Variants in SEC24A observed in about 807,000 individuals in gnomAD.
SEC24A encodes protein transport protein Sec24A.
In SEC24A, 93 loss-of-function variants were observed where a neutral mutation model predicts 129.4. The observed-to-expected ratio is 0.72, with a 90% CI of 0.61 to 0.85. The LOEUF (loss-of-function observed/expected upper bound fraction) is 0.85, where lower values mean the gene tolerates loss of function less well. SEC24A is among the 40% of genes least tolerant of loss of function. The pLI is 0.00. For synonymous variants in SEC24A, 460 were observed against 467.3 expected, an observed-to-expected ratio of 0.98 and a Z score of 0.20; for missense variants, 1,264 against 1,307.4, an observed-to-expected ratio of 0.97 and a Z score of 0.51.
rs749321952 is a variant in SEC24A at position 134,661,107 on chromosome 5, T to C, written c.98-12T>C. ...CGTTGGTAAGACTAATTTTTCCTCCTTTTATTGGAAGGTCCTGTCCAAAAT... is the reference window on the plus strand; with the variant it reads ...CGTTGGTAAGACTAATTTTTCCTCCCTTTATTGGAAGGTCCTGTCCAAAAT... On this transcript the variant is annotated splice_polypyrimidine_tract_variant and intron_variant, in intron 1 of 22. Transcript: ENST00000398844. 1 of 1,556,714 alleles carries C rather than the reference T, an allele frequency of 6.4e-7. No homozygotes were observed. Among genetic ancestry groups the C allele is most frequent in the South Asian group, 1.2e-5 (1 of 82,544 alleles).
intron 11 of SEC24A, among the ~76,000 whole-genome samples, chr5:134,691,745 A>C (rs1751662432): frequency 6.6e-6 from 1 of 151,968 alleles, no homozygotes; most frequent in South Asian, 2.1e-4. Context: ...TCGGCCTCCC[A>C]AAGTACTGGG....
chr5:134,724,729 G>A (rs949225004), intron 22 of SEC24A, among the ~76,000 whole-genome samples: 7 of 152,254 alleles, frequency 4.6e-5, no homozygotes, highest in African/African-American at 1.7e-4. Context: ...TTGATATACT[G>A]ATTTCAATTC....
chr5:134,699,260 T>TA (rs1226535101), intron 15 of SEC24A, among the ~76,000 whole-genome samples: 2 of 151,324 alleles, frequency 1.3e-5, no homozygotes, highest in Non-Finnish European at 2.9e-5. Flanking sequence ...TTTTTTTTTT[T>TA]ACTTGTAAAA....
chr5:134,681,453 TG>T (rs1751270647), intron 8 of SEC24A, among the ~76,000 whole-genome samples: 2 of 151,454 alleles, frequency 1.3e-5, no homozygotes, highest in African/African-American at 2.4e-5. Flanking sequence ...TGTGTGTGTG[TG>T]TGTGTGTGTG....
chr5:134,704,885 C>T (rs1752105448), intron 16 of SEC24A, among the ~76,000 whole-genome samples: 2 of 149,544 alleles, frequency 1.3e-5, no homozygotes, highest in Non-Finnish European at 3.0e-5. Context: ...CTATGTTGTT[C>T]AGCCCTGTCT....
At chr5:134,686,183 T>G (rs1418009018) in intron 9 of SEC24A, among the ~76,000 whole-genome samples, 1 of 151,986 alleles carries the variant, frequency 6.6e-6, no homozygotes, top group Admixed American at 6.6e-5. Flanking sequence ...TAAACACTTT[T>G]GTTAGTATAA....
chr5:134,723,641 AC>A lies in SEC24A; in HGVS notation c.3140del (p.Pro1047HisfsTer8). 1 of 1,609,876 alleles carries A rather than the reference AC, an allele frequency of 6.2e-7. No individual in the cohort carries two copies. The highest frequency in any genetic ancestry group is 8.5e-7 in the Non-Finnish European group (1 of 1,176,298). Reference protein sequence around the residue: ...AFISWLREQRPFFPILYVIRD... With the variant: ...AFISWLREQRXFFPILYVIRD... ...TCATCTCTTGGCTTAGAGAGCAGAG[AC>A]CATTTTTCCCAATACTTTATGTAAT... On this transcript the variant is annotated frameshift_variant, in exon 22 of 23. Coordinates refer to ENST00000398844, the MANE Select transcript of SEC24A (RefSeq NM_021982.3). LOFTEE classifies it high-confidence loss of function.
chr5:134,712,971 G>A (rs556710117), intron 18 of SEC24A, among the ~76,000 whole-genome samples: 270 of 123,364 alleles, frequency 2.2e-3, no homozygotes, highest in African/African-American at 8.5e-3. Context: ...TCGCTCTGTC[G>A]CCTAGGCTGG....
chr5:134,674,010 G>A (rs1302593384), intron 4 of SEC24A, among the ~76,000 whole-genome samples: 1 of 152,038 alleles, frequency 6.6e-6, no homozygotes, highest in Non-Finnish European at 1.5e-5. Flanking sequence ...GCACACACCT[G>A]TAGTCCCAGC....
intron 4 of SEC24A, 128 bp downstream of exon 4, chr5:134,672,014 A>T: frequency 1.6e-6 from 1 of 618,950 alleles, no homozygotes; most frequent in Non-Finnish European, 2.8e-6. Context: ...ACATACTATT[A>T]ACTTATTTAT....
intron 18 of SEC24A, among the ~76,000 whole-genome samples, chr5:134,714,574 A>G: frequency 6.6e-6 from 1 of 152,232 alleles, no homozygotes; most frequent in Non-Finnish European, 1.5e-5. Flanking sequence ...AGTCTGTGGA[A>G]AAATTATCTT....
At chr5:134,659,047 T>TTTTTTTTA (rs1554136611) in intron 1 of SEC24A, among the ~76,000 whole-genome samples, 150 of 138,832 alleles carry the variant, frequency 1.1e-3, no homozygotes, top group East Asian at 7.6e-3. Context: ...ACCCATTTAT[T>TTTTTTTTA]TTTATTTATT....
At chr5:134,657,926 A>G (rs1750302618) in intron 1 of SEC24A, among the ~76,000 whole-genome samples, 1 of 152,150 alleles carries the variant, frequency 6.6e-6, no homozygotes, top group Non-Finnish European at 1.5e-5. Context: ...CTAGATGTAA[A>G]CTTCATAGGG....
In SEC24A at chr5:134,686,782, T is replaced by C; in HGVS notation, c.1492-8T>C. On this transcript the variant is annotated splice_region_variant and splice_polypyrimidine_tract_variant and intron_variant, in intron 9 of 22. Transcript: ENST00000398844. ...TAAATGTACTTAACAAGATCTTTTT[T>C]TCTTCAGTTACGACCACCTCAGCCT... 18 of 1,551,220 alleles carry C rather than the reference T, an allele frequency of 1.2e-5. No homozygotes were observed. Among genetic ancestry groups the C allele is most frequent in the Non-Finnish European group, 1.6e-5 (18 of 1,137,016 alleles).
At chr5:134,678,038 T>C (rs546123085) in intron 7 of SEC24A, among the ~76,000 whole-genome samples, 2 of 152,170 alleles carry the variant, frequency 1.3e-5, no homozygotes, top group East Asian at 3.9e-4. Context: ...ATTTATTTAT[T>C]AGAGACCGGG....
chr5:134,719,248 G>A, intron 20 of SEC24A, among the ~76,000 whole-genome samples: 1 of 151,798 alleles, frequency 6.6e-6, no homozygotes. Flanking sequence ...CAGACATAGT[G>A]GCTCCAGGCT....
chr5:134,696,434 T>C (rs1208751136), intron 13 of SEC24A, among the ~76,000 whole-genome samples: 1 of 152,032 alleles, frequency 6.6e-6, no homozygotes. Context: ...AACTATGAAA[T>C]TATTATAGTA....
rs1752614707 is a variant in SEC24A, at chr5:134,721,076, A to C, written c.3049A>C (p.Ile1017Leu). 6.2e-7 allele frequency: 1 copy of C among 1,605,178 alleles called. No homozygotes were observed. The highest frequency in any genetic ancestry group is 1.3e-5 in the African/African-American group (1 of 74,734). ...TCTAGGAGTTCAAAACTATGCATCA[A>C]TTCCACAGCCTATGGTAAGACTCTT... ...QVLGVQNYASIPQPMTDLPEL... is the reference protein window; with the variant it reads ...QVLGVQNYASLPQPMTDLPEL... Residue 1017 changes from isoleucine to leucine, a missense_variant, in exon 21 of 23, where the codon ATT becomes CTT. Transcript: ENST00000398844.
chr5:134,651,098 C>CTTT (rs70976548), intron 1 of SEC24A, among the ~76,000 whole-genome samples: 1 of 136,450 alleles, frequency 7.3e-6, no homozygotes, highest in Non-Finnish European at 1.6e-5. Context: ...TGTATTTTGC[C>CTTT]TTTTTTTTTT....
Sources: gnomAD v4.1 joint callset for allele counts (sites outside exome capture counted in the v4.1 genomes callset) on GRCh38, gnomAD v4.1.1 for gene constraint, MANE v1.5 for transcripts, NCBI Gene and HGNC (gene_info 2026-07-23, HGNC 2026-07-21) for gene names.